Variants in GAS7 observed in about 807,000 individuals in gnomAD.
GAS7 encodes the protein growth arrest-specific protein 7.
GAS7 carries 28 observed loss-of-function variants against 71.1 expected under a neutral mutation model. The ratio of observed to expected loss-of-function variants is 0.39; its 90% CI spans 0.29 to 0.54. The LOEUF (loss-of-function observed/expected upper bound fraction) is 0.54. Ranked by LOEUF, GAS7 falls within the 20% of genes least tolerant of loss-of-function variation. GAS7 has a pLI of 0.62. For missense variants in GAS7, 436 were observed against 627.8 expected, an observed-to-expected ratio of 0.69 and a Z score of 3.27; for synonymous variants, 258 against 245.8, an observed-to-expected ratio of 1.05 and a Z score of -0.46.
intron 1 of GAS7, among the ~76,000 whole-genome samples, chr17:10,117,946 G>A (rs1003054804): frequency 6.6e-6 from 1 of 152,166 alleles, no homozygotes; most frequent in Non-Finnish European, 1.5e-5. Context: ...CGGCTGGAAG[G>A]ACAAACTAGC....
rs568771014 is a variant in GAS7 at position 10,074,175 on chromosome 17, G to A, written c.184-54278C>T. 3.3e-5 allele frequency among the ~76,000 whole-genome samples: 5 copies of A among 152,288 alleles called. No individual in the cohort carries two copies. The South Asian group carries it at 1.0e-3, about 32-fold the overall frequency. On this transcript the variant is annotated intron_variant, in intron 1 of 13. Transcript: ENST00000432992. ...CGTCCAGAAAGTTCCTGGGAGGGGG[G>A]TGCTGCCCAAAGGTCATCGTAAGGA...
chr17:10,034,213 C>T lies in GAS7; in HGVS notation c.184-14316G>A. Reference sequence around the variant, plus strand: ...TCTTGAGCAACCTCTTCCATCTCTGCTGGGAGGCCTCAATTGCTTCATCTC... The same window carrying T: ...TCTTGAGCAACCTCTTCCATCTCTGTTGGGAGGCCTCAATTGCTTCATCTC... On this transcript the variant is annotated intron_variant, in intron 1 of 13. Transcript: ENST00000432992. The surrounding 1 kb of genome is among the most constrained non-coding windows in gnomAD (Gnocchi z 4.4). The T allele has an allele frequency of 2.0e-6, 2 of 985,224 alleles. No individual in the cohort carries two copies. The highest frequency in any genetic ancestry group is 4.7e-5 in the South Asian group (1 of 21,276). The allele number at this position is 985,224 out of a possible 1,614,324, so 61.0% of individuals were successfully genotyped here.
intron 2 of GAS7, among the ~76,000 whole-genome samples, chr17:10,005,116 T>C (rs1056340726): frequency 1.5e-5 from 2 of 129,198 alleles, no homozygotes; most frequent in Non-Finnish European, 3.3e-5. Context: ...TGTGTGCGTG[T>C]GCACGCATAC....
chr17:9,912,652 T>C lies in GAS7; in HGVS notation c.*4576A>G, dbSNP rs1042082784. On this transcript the variant is annotated 3_prime_UTR_variant, in exon 14 of 14. Transcript: ENST00000432992. ...TCCCATCCCTGGATTCTTTCTGCAC[T>C]ACCAAAAACCCACCACGCGCCAAAA... is the stretch of plus-strand genomic sequence containing the variant. 8.6e-6 allele frequency: 2 copies of C among 232,590 alleles called. No individual in the cohort carries two copies. The highest frequency in any genetic ancestry group is 4.4e-5 in the African/African-American group (2 of 45,284). 14.4% of individuals were successfully genotyped at this position (232,590 alleles called of 1,614,324 possible). A position where few individuals can be genotyped will look rare whatever the true frequency, so the allele number is the denominator to read the frequency against.
Position 10,066,903 on chromosome 17 carries a change from G to C in GAS7, c.184-47006C>G, listed in dbSNP as rs552984872. 5.9e-5 allele frequency among the ~76,000 whole-genome samples: 9 copies of C among 152,192 alleles called. No homozygotes were observed. The South Asian group carries it at 1.9e-3, about 32-fold the overall frequency. On this transcript the variant is annotated intron_variant, in intron 1 of 13. Coordinates refer to ENST00000432992, the MANE Select transcript of GAS7 (RefSeq NM_201433.2). ...CTGGGTTCAAATCCATGCTTTCCCA[G>C]GACAAGTTGCTTGATCTAGCTGGAC...
intron 11 of GAS7, among the ~76,000 whole-genome samples, chr17:9,921,165 T>C (rs2067793038): frequency 6.6e-6 from 1 of 150,938 alleles, no homozygotes; most frequent in Non-Finnish European, 1.5e-5. Flanking sequence ...TTCTTTTTTT[T>C]TTTTTTTTTG....
intron 1 of GAS7, among the ~76,000 whole-genome samples, chr17:10,041,934 G>A (rs922031422): frequency 6.6e-6 from 1 of 152,128 alleles, no homozygotes; most frequent in African/African-American, 2.4e-5. Context: ...GTTGAAAACT[G>A]TCAACCAAAA....
At position 10,133,178 on chromosome 17, in the gene GAS7, G is replaced by A. The variant is rs192481538; in HGVS notation, c.183+65030C>T. On this transcript the variant is annotated intron_variant, in intron 1 of 13. Transcript: ENST00000432992. ...TCGCTCTGTCGCCCAGGTTGAGATCGTGCAGTGGCACTCAGCTCACTGCAA... is the reference window on the plus strand; with the variant it reads ...TCGCTCTGTCGCCCAGGTTGAGATCATGCAGTGGCACTCAGCTCACTGCAA... 2.4e-3 allele frequency among the ~76,000 whole-genome samples: 352 copies of A among 146,298 alleles called. 2 individuals are homozygous for A. The highest frequency in any genetic ancestry group is 5.6e-3 in the Admixed American group (80 of 14,344).
intron 2 of GAS7, among the ~76,000 whole-genome samples, chr17:10,018,468 T>C (rs1044913839): frequency 2.6e-5 from 4 of 152,214 alleles, no homozygotes; most frequent in African/African-American, 4.8e-5. Flanking sequence ...CAGATGGGTG[T>C]TGCATACATA....
At chr17:10,183,836 C>T (rs563597831) in intron 1 of GAS7, among the ~76,000 whole-genome samples, 4 of 151,072 alleles carry the variant, frequency 2.6e-5, no homozygotes, top group African/African-American at 7.3e-5. Flanking sequence ...AGCGAGACTC[C>T]GTCTCAGGAA....
intron 1 of GAS7, among the ~76,000 whole-genome samples, chr17:10,063,266 G>A (rs1023554601): frequency 1.3e-4 from 19 of 147,562 alleles, no homozygotes; most frequent in Non-Finnish European, 2.1e-4. Context: ...CACCTGGCAC[G>A]TGTGTGTGCG....
At chr17:10,070,085 G>A (rs1292053079) in intron 1 of GAS7, among the ~76,000 whole-genome samples, 1 of 152,008 alleles carries the variant, frequency 6.6e-6, no homozygotes, top group East Asian at 1.9e-4. Flanking sequence ...ACAGCATCTC[G>A]GGAAATGCTA....
intron 1 of GAS7, among the ~76,000 whole-genome samples, chr17:10,166,049 G>A (rs1270548531): frequency 1.3e-5 from 2 of 150,298 alleles, no homozygotes; most frequent in Non-Finnish European, 3.0e-5. Flanking sequence ...TAGAGACAAG[G>A]TCTCACTCTG....
chr17:10,099,613 G>C (rs1372141417), intron 1 of GAS7, among the ~76,000 whole-genome samples: 1 of 152,142 alleles, frequency 6.6e-6, no homozygotes, highest in African/African-American at 2.4e-5. Flanking sequence ...CAATAGGAAA[G>C]AGACCCATCC....
intron 1 of GAS7, among the ~76,000 whole-genome samples, chr17:10,193,278 A>AAAAAC (rs2074516287): frequency 1.4e-5 from 2 of 147,142 alleles, no homozygotes; most frequent in Admixed American, 6.8e-5. Flanking sequence ...AAAAAAAAAA[A>AAAAAC]CCCTCCAAGG....
intron 1 of GAS7, among the ~76,000 whole-genome samples, chr17:10,144,543 C>CT (rs1302481046): frequency 2.6e-5 from 4 of 151,880 alleles, no homozygotes; most frequent in African/African-American, 4.8e-5. Flanking sequence ...ATGTTAATTT[C>CT]TTTTTTTTCT....
chr17:9,948,518 A>G (rs1276581389), intron 5 of GAS7, among the ~76,000 whole-genome samples: 1 of 152,276 alleles, frequency 6.6e-6, no homozygotes, highest in South Asian at 2.1e-4. Flanking sequence ...CCCCTTCTCT[A>G]CTAAAAACAC....
At chr17:10,122,383 G>A (rs939843234) in intron 1 of GAS7, among the ~76,000 whole-genome samples, 2 of 152,068 alleles carry the variant, frequency 1.3e-5, no homozygotes, top group Non-Finnish European at 2.9e-5. Flanking sequence ...GACAGCCTCC[G>A]TTCTAGGCAC....
intron 1 of GAS7, among the ~76,000 whole-genome samples, chr17:10,185,768 G>T (rs2074447415): frequency 6.6e-6 from 1 of 152,094 alleles, no homozygotes; most frequent in Non-Finnish European, 1.5e-5. Flanking sequence ...AATATAAGAG[G>T]TTCAGCTGGT....
Sources: allele counts gnomAD v4.1 joint callset (sites outside exome capture counted in the v4.1 genomes callset), GRCh38; gene constraint gnomAD v4.1.1; non-coding constraint Gnocchi (gnomAD v3.1); transcripts MANE v1.5; gene names NCBI Gene and HGNC (gene_info 2026-07-23, HGNC 2026-07-21).